Variants in CYTH1 observed in about 807,000 individuals in gnomAD.
CYTH1 encodes the protein cytohesin 1, also known as cytohesin-1.
Under a neutral mutation model 61.8 loss-of-function variants are expected in CYTH1, and 18 were observed. The ratio of observed to expected loss-of-function variants is 0.29; its 90% CI spans 0.20 to 0.43. The LOEUF (loss-of-function observed/expected upper bound fraction) is 0.43. Among genes scored for constraint, CYTH1 ranks in the 20% least tolerant of loss-of-function variants. The pLI is 1.00. For synonymous variants in CYTH1, 174 were observed against 184.3 expected (o/e 0.94, Z 0.45); for missense variants, 336 against 510.5 (o/e 0.66, Z 3.29).
intron 1 of CYTH1, among the ~76,000 whole-genome samples, chr17:78,739,282 G>A (rs1232344715): frequency 6.6e-6 from 1 of 152,068 alleles, no homozygotes; most frequent in Non-Finnish European, 1.5e-5. Flanking sequence ...AACATTCACT[G>A]AGCACATTAA....
intron 1 of CYTH1, 46 bp downstream of exon 1, chr17:78,782,156 C>T: frequency 7.5e-6 from 10 of 1,336,512 alleles, no homozygotes; most frequent in Non-Finnish European, 9.7e-6. Context: ...CCGGAGGGGA[C>T]TGGGGGACAG....
intron 7 of CYTH1, among the ~76,000 whole-genome samples, chr17:78,699,381 C>A (rs937000653): frequency 1.7e-4 from 26 of 148,942 alleles, no homozygotes; most frequent in Non-Finnish European, 1.0e-4. Context: ...AAAAAAAAAA[C>A]ATGTTCTCAA....
At chr17:78,781,453 C>G (rs1160670051) in intron 1 of CYTH1, among the ~76,000 whole-genome samples, 1 of 152,238 alleles carries the variant, frequency 6.6e-6, no homozygotes, top group Non-Finnish European at 1.5e-5. Flanking sequence ...GGGAGCGGGA[C>G]AGCGGCTCCG....
intron 11 of CYTH1, among the ~76,000 whole-genome samples, chr17:78,688,392 G>A (rs562442417): frequency 6.6e-6 from 1 of 152,290 alleles, no homozygotes; most frequent in Admixed American, 6.5e-5. Context: ...CGGTAGACTC[G>A]TCAACCTGGA....
At chr17:78,777,491 G>C (rs983760230) in intron 1 of CYTH1, among the ~76,000 whole-genome samples, 15 of 152,122 alleles carry the variant, frequency 9.9e-5, no homozygotes, top group African/African-American at 3.6e-4. Context: ...CACAGGTGTA[G>C]TCTGAACCAA....
intron 1 of CYTH1, among the ~76,000 whole-genome samples, chr17:78,774,223 C>T (rs914620870): frequency 7.9e-5 from 12 of 152,172 alleles, no homozygotes; most frequent in African/African-American, 2.9e-4. Flanking sequence ...TATACTCTGA[C>T]ATGTTCATGT....
intron 10 of CYTH1, among the ~76,000 whole-genome samples, chr17:78,693,890 C>G (rs2092913699): frequency 6.6e-6 from 1 of 152,198 alleles, no homozygotes; most frequent in Non-Finnish European, 1.5e-5. Flanking sequence ...TGTGCCTGCT[C>G]TTTTGCTAAG....
At chr17:78,676,305 T>C (rs2092698128) in intron 13 of CYTH1, 136 bp from the exon 14 acceptor site, 1 of 750,560 alleles carries the variant, frequency 1.3e-6, no homozygotes, top group Non-Finnish European at 2.2e-6. Context: ...AAGGCCAAGT[T>C]AGCGTCCTCC....
At chr17:78,738,199 C>A (rs997419387) in intron 1 of CYTH1, among the ~76,000 whole-genome samples, 1 of 152,188 alleles carries the variant, frequency 6.6e-6, no homozygotes, top group Non-Finnish European at 1.5e-5. Context: ...TTATTGCATG[C>A]TTACTCTGTG....
At chr17:78,736,591 C>A in intron 1 of CYTH1, 1 of 225,052 alleles carries the variant, frequency 4.4e-6, no homozygotes, top group Non-Finnish European at 1.0e-5. Context: ...GTAAACTATC[C>A]TCACAGGATT....
chr17:78,680,134 C>A, intron 13 of CYTH1, 56 bp downstream of exon 13: 1 of 1,599,716 alleles, frequency 6.3e-7, no homozygotes, highest in Non-Finnish European at 8.5e-7. Flanking sequence ...TGATCAACAC[C>A]TGGTGAGGTG....
intron 1 of CYTH1, among the ~76,000 whole-genome samples, chr17:78,733,442 T>C (rs186097217): frequency 1.3e-5 from 2 of 152,330 alleles, no homozygotes; most frequent in African/African-American, 4.8e-5. Context: ...GGTCACCGGC[T>C]GCATCCTCAG....
At chr17:78,759,863 A>C (rs2093415182) in intron 1 of CYTH1, among the ~76,000 whole-genome samples, 1 of 152,176 alleles carries the variant, frequency 6.6e-6, no homozygotes, top group Admixed American at 6.5e-5. Flanking sequence ...GTGTGATGTG[A>C]CCTTGGAGAG....
chr17:78,698,437 C>G, intron 8 of CYTH1, 57 bp from the exon 9 acceptor site: 1 of 1,375,838 alleles, frequency 7.3e-7, no homozygotes, highest in Non-Finnish European at 1.0e-6. Context: ...TTTCCTCCTC[C>G]CCTTTCTCTT....
intron 11 of CYTH1, 35 bp downstream of exon 11, chr17:78,692,382 A>G: frequency 6.2e-7 from 1 of 1,607,530 alleles, no homozygotes. Flanking sequence ...GGCCTTGCCC[A>G]TCCCTAGTCT....
chr17:78,782,214 C>T lies in CYTH1; in HGVS notation c.10G>A (p.Asp4Asn), dbSNP rs748162768. The T allele has an allele frequency of 1.7e-4, 236 of 1,366,478 alleles. No homozygotes were observed. The highest frequency in any genetic ancestry group is 1.9e-4 in the Non-Finnish European group (196 of 1,044,966). The allele number at this position is 1,366,478 out of a possible 1,614,324, so 84.6% of individuals were successfully genotyped here. ...GGGGCGCACTGACCGTAGCTGTCGT[C>T]CTCCTCCATGGTGCGGGAGCCGGGC... MEE[D>N]DSYVPSDLTA... Residue 4 changes from aspartate (D) to asparagine (N), a missense_variant, in exon 1 of 14, where the codon GAC (aspartate) becomes AAC (asparagine). Asp to Asn is a conservative substitution (Grantham distance 23). This residue lies in a region of CYTH1 where 112 missense variants were observed against 127.1 expected (regional missense o/e 0.88). Coordinates refer to ENST00000446868, the MANE Select transcript of CYTH1 (RefSeq NM_004762.6).
At chr17:78,760,285 C>T (rs2093416531) in intron 1 of CYTH1, among the ~76,000 whole-genome samples, 1 of 147,760 alleles carries the variant, frequency 6.8e-6, no homozygotes, top group Admixed American at 6.9e-5. Context: ...AAGCTAAAAA[C>T]TCAAGAAACA....
chr17:78,716,369 A>G (rs2093180628), intron 1 of CYTH1, among the ~76,000 whole-genome samples: 1 of 152,244 alleles, frequency 6.6e-6, no homozygotes, highest in South Asian at 2.1e-4. Context: ...CTAAAAATGT[A>G]CAACTATGGT....
intron 12 of CYTH1, 37 bp from the exon 13 acceptor site, chr17:78,680,381 A>C (rs766005465): frequency 2.5e-6 from 4 of 1,581,238 alleles, no homozygotes; most frequent in Non-Finnish European, 3.4e-6. Context: ...AGTGGAGCAA[A>C]GGAAGCTGTT....
Sources: gnomAD v4.1 joint callset for allele counts (sites outside exome capture counted in the v4.1 genomes callset) on GRCh38, gnomAD v4.1.1 for gene constraint, gnomAD v4.1.1 regional missense constraint, MANE v1.5 for transcripts, NCBI Gene and HGNC (gene_info 2026-07-23, HGNC 2026-07-21) for gene names.